PCDHA10: variants seen among roughly 807,000 people sequenced by gnomAD.
PCDHA10 encodes protocadherin alpha 10, also known as protocadherin alpha-10.
PCDHA10 carries 45 observed loss-of-function variants against 61.2 expected under a neutral mutation model. The ratio of observed to expected loss-of-function variants is 0.74; its 90% CI spans 0.58 to 0.94. The LOEUF (loss-of-function observed/expected upper bound fraction) is 0.94. Ranked by LOEUF, PCDHA10 falls within the 40% of genes least tolerant of loss-of-function variation. PCDHA10 has a pLI of 0.00. For synonymous variants in PCDHA10, 602 were observed against 548.8 expected (o/e 1.10, Z -1.35); for missense variants, 1,278 against 1,236.2 (o/e 1.03, Z -0.51).
chr5:140,865,816 A>G (rs1554159628), intron 1 of PCDHA10: 1 of 152,168 alleles, frequency 6.6e-6, no homozygotes, highest in East Asian at 1.9e-4. Context: ...TTTATCCACT[A>G]TAATGTAGAG....
intron 1 of PCDHA10, among the ~76,000 whole-genome samples, chr5:140,938,952 C>G (rs1036829091): frequency 4.6e-5 from 7 of 152,104 alleles, no homozygotes; most frequent in South Asian, 2.1e-4. Flanking sequence ...TTATAATGCT[C>G]TAGTCGGAGT....
intron 1 of PCDHA10, chr5:140,928,465 G>A: frequency 6.2e-7 from 1 of 1,614,168 alleles, no homozygotes; most frequent in Non-Finnish European, 8.5e-7. Context: ...TCATTTCCAA[G>A]TAGAAGGCCG....
chr5:140,921,228 T>G (rs1401455945), intron 1 of PCDHA10, among the ~76,000 whole-genome samples: 11 of 152,154 alleles, frequency 7.2e-5, no homozygotes, highest in African/African-American at 2.7e-4. Context: ...TTTTGCTAGA[T>G]GATATTAAGC....
chr5:140,926,928 G>T, intron 1 of PCDHA10: 1 of 1,574,878 alleles, frequency 6.3e-7, no homozygotes, highest in Non-Finnish European at 8.6e-7. Flanking sequence ...TATGTTTGTG[G>T]GTTTCCTGCG....
At chr5:140,968,846 C>T (rs1554231159) in intron 1 of PCDHA10, 1 of 1,614,186 alleles carries the variant, frequency 6.2e-7, no homozygotes. Context: ...CACTCAGAGG[C>T]ATGTTAAGAG....
rs142842369 is a variant in PCDHA10, at chr5:140,884,425, T to G, written c.2388+25989T>G. ...TGGTGCTCACGTTGCTGCTGTATAC[T>G]GCGCTGCGGTGCTCGGCACCGCCCA... On this transcript the variant is annotated intron_variant, in intron 1 of 3. Coordinates refer to ENST00000307360, the MANE Select transcript of PCDHA10 (RefSeq NM_018901.4). 1.3e-3 allele frequency: 2,026 copies of G among 1,613,950 alleles called. 4 individuals carry two copies. Among genetic ancestry groups the G allele is most frequent in the Admixed American group, 3.6e-3 (219 of 60,032 alleles).
At chr5:140,917,325 G>A (rs2078036694) in intron 1 of PCDHA10, among the ~76,000 whole-genome samples, 2 of 131,364 alleles carry the variant, frequency 1.5e-5, no homozygotes, top group East Asian at 2.1e-4. Context: ...TTCATGTGGC[G>A]GGGGAGGGGG....
intron 1 of PCDHA10, among the ~76,000 whole-genome samples, chr5:140,909,407 T>C (rs1004172644): frequency 3.3e-5 from 5 of 152,172 alleles, no homozygotes; most frequent in Non-Finnish European, 7.3e-5. Context: ...GCAATTGCAG[T>C]TACCATTTGG....
At chr5:140,981,191 G>A (rs2096922052) in intron 2 of PCDHA10, among the ~76,000 whole-genome samples, 2 of 152,178 alleles carry the variant, frequency 1.3e-5, no homozygotes, top group South Asian at 4.1e-4. Context: ...AAGTTTGCCT[G>A]CTCTGTTGCC....
intron 1 of PCDHA10, among the ~76,000 whole-genome samples, chr5:140,956,900 A>C (rs1004581720): frequency 6.6e-6 from 1 of 152,240 alleles, no homozygotes; most frequent in East Asian, 1.9e-4. Context: ...GAATATTCTT[A>C]AATGTATAAA....
intron 1 of PCDHA10, chr5:140,870,150 C>T (rs2051709522): frequency 6.2e-7 from 1 of 1,614,098 alleles, no homozygotes; most frequent in Non-Finnish European, 8.5e-7. Context: ...CTCCTGAAGT[C>T]GCCGTGACTT....
chr5:140,867,523 A>AGT (rs2050005446), intron 1 of PCDHA10: 1 of 152,088 alleles, frequency 6.6e-6, no homozygotes, highest in South Asian at 2.1e-4. Context: ...TTAATAGTTG[A>AGT]ATATATATAT....
At chr5:140,947,171 A>G (rs2094098405) in intron 1 of PCDHA10, among the ~76,000 whole-genome samples, 2 of 151,546 alleles carry the variant, frequency 1.3e-5, no homozygotes, top group Non-Finnish European at 3.0e-5. Context: ...AAAATGTGGT[A>G]TATATTCATG....
At chr5:140,898,965 G>A (rs2067069000) in intron 1 of PCDHA10, among the ~76,000 whole-genome samples, 1 of 152,044 alleles carries the variant, frequency 6.6e-6, no homozygotes, top group Non-Finnish European at 1.5e-5. Flanking sequence ...GTGAATGGGA[G>A]TTCACTCATG....
chr5:140,966,951 C>G lies in PCDHA10; in HGVS notation c.2389-11998C>G, dbSNP rs781885198. 3.1e-5 allele frequency: 50 copies of G among 1,603,624 alleles called. No individual in the cohort carries two copies. The highest frequency in any genetic ancestry group is 4.2e-5 in the Non-Finnish European group (50 of 1,178,520). The stretch of plus-strand genomic sequence containing the variant: ...CCCGGCGCGCTCGTGGGCAACGTGG[C>G]TCGCGCGCTGGGGCTTGAGCTGCGG... On this transcript the variant is annotated intron_variant, in intron 1 of 3. Coordinates refer to ENST00000307360, the MANE Select transcript of PCDHA10 (RefSeq NM_018901.4).
chr5:141,003,104 C>G (rs1447493860), intron 3 of PCDHA10, among the ~76,000 whole-genome samples: 1 of 152,236 alleles, frequency 6.6e-6, no homozygotes, highest in East Asian at 1.9e-4. Context: ...ATTTGCTTCA[C>G]AATCTTCTGG....
intron 3 of PCDHA10, among the ~76,000 whole-genome samples, chr5:140,991,634 A>G (rs1261533190): frequency 5.9e-5 from 9 of 152,196 alleles, no homozygotes; most frequent in African/African-American, 1.7e-4. Flanking sequence ...TGTAATAACA[A>G]TCTGTTCATG....
intron 3 of PCDHA10, among the ~76,000 whole-genome samples, chr5:140,984,251 T>C (rs1164028325): frequency 6.6e-6 from 1 of 152,210 alleles, no homozygotes; most frequent in Non-Finnish European, 1.5e-5. Flanking sequence ...GTCGACCTGG[T>C]AAGCCACAAA....
rs782807362 is a variant in PCDHA10 at position 140,884,482 on chromosome 5, T to G, written c.2388+26046T>G. ...GCGCGTGCGCGCCGGGCAAGCCCACTCTAGTGTGCTCCAGCGCGGCAGGGA... is the reference window on the plus strand; with the variant it reads ...GCGCGTGCGCGCCGGGCAAGCCCACGCTAGTGTGCTCCAGCGCGGCAGGGA... On this transcript the variant is annotated intron_variant, in intron 1 of 3. Transcript: ENST00000307360. 1.6e-5 allele frequency: 26 copies of G among 1,613,830 alleles called. No homozygotes were observed. In the East Asian group the frequency reaches 4.5e-4, roughly 28 times the overall value.
Sources: gnomAD v4.1 joint callset for allele counts (sites outside exome capture counted in the v4.1 genomes callset) on GRCh38, gnomAD v4.1.1 for gene constraint, MANE v1.5 for transcripts, NCBI Gene and HGNC (gene_info 2026-07-23, HGNC 2026-07-21) for gene names.